NGEF: variants seen among roughly 807,000 people sequenced by gnomAD.
NGEF encodes the protein ephexin-1.
In NGEF, 31 loss-of-function variants were observed where a neutral mutation model predicts 80.9. That is an observed-to-expected ratio of 0.38 (90% confidence interval 0.29 to 0.52). The LOEUF (loss-of-function observed/expected upper bound fraction) is 0.52, where lower values mean the gene tolerates loss of function less well. Ranked by LOEUF, NGEF falls within the 20% of genes least tolerant of loss-of-function variation. NGEF has a pLI of 0.84. For missense variants in NGEF, 709 were observed against 926.2 expected (o/e 0.77, Z 3.04); for synonymous variants, 371 against 370.2 (o/e 1.00, Z -0.03).
intron 8 of NGEF, 123 bp from the exon 9 acceptor site, chr2:232,888,230 A>C: frequency 1.5e-6 from 1 of 656,964 alleles, no homozygotes; most frequent in Non-Finnish European, 2.7e-6. Flanking sequence ...ATGCACACAC[A>C]CACACACGCA....
intron 1 of NGEF, among the ~76,000 whole-genome samples, chr2:232,979,271 T>A (rs779173271): frequency 7.3e-5 from 11 of 150,938 alleles, no homozygotes; most frequent in Admixed American, 4.0e-4. Flanking sequence ...ACATTAAGAG[T>A]CAGGGGGATT....
chr2:232,954,591 G>A (rs1693756890), intron 3 of NGEF, among the ~76,000 whole-genome samples: 1 of 152,064 alleles, frequency 6.6e-6, no homozygotes, highest in Non-Finnish European at 1.5e-5. Flanking sequence ...CAGGCGTGGT[G>A]GCAGGTGCCT....
chr2:232,891,615 T>C, intron 7 of NGEF, 128 bp from the exon 8 acceptor site: 2 of 1,107,042 alleles, frequency 1.8e-6, no homozygotes, highest in Non-Finnish European at 2.5e-6. Flanking sequence ...TTGATTTCTT[T>C]CTTTGTTTTT....
chr2:232,988,596 G>A (rs1181396251), intron 1 of NGEF, among the ~76,000 whole-genome samples: 1 of 152,192 alleles, frequency 6.6e-6, no homozygotes, highest in Non-Finnish European at 1.5e-5. Context: ...AATACGCTTT[G>A]ACCCAGCCAT....
chr2:232,895,214 A>C (rs1024989218), intron 5 of NGEF, among the ~76,000 whole-genome samples: 2 of 152,156 alleles, frequency 1.3e-5, no homozygotes, highest in Non-Finnish European at 1.5e-5. Flanking sequence ...AAGATCCAAA[A>C]TATGAAACAA....
rs190462178 is a variant in NGEF at position 232,903,716 on chromosome 2, T to C, written c.829-8800A>G. ...CCTCAAAGCATCAAGAAAAACTCCC[T>C]GCCGTCTCCCACTGTAGGACTCATC... On this transcript the variant is annotated intron_variant, in intron 5 of 14. Transcript: ENST00000264051. 2.0e-3 allele frequency among the ~76,000 whole-genome samples: 310 copies of C among 152,370 alleles called. 4 individuals carry two copies. The highest frequency in any genetic ancestry group is 7.3e-3 in the African/African-American group (303 of 41,588).
chr2:232,903,436 GCACACA>G (rs35757997), intron 5 of NGEF, among the ~76,000 whole-genome samples: 9 of 148,716 alleles, frequency 6.1e-5, no homozygotes, highest in Non-Finnish European at 9.0e-5. Context: ...TGACATGAGG[GCACACA>G]CACACACACA....
In NGEF at chr2:232,970,289, G is replaced by C. The variant is rs753343643; in HGVS notation, c.308C>G (p.Thr103Ser). 6.2e-7 allele frequency: 1 copy of C among 1,604,960 alleles called. No homozygotes were observed. The highest frequency in any genetic ancestry group is 8.5e-7 in the Non-Finnish European group (1 of 1,176,976). ...CATTCTGCTCCAGGGGATATTCAAG[G>C]TCAGGGGCTCATTTACAGATTTTCC... Reference protein sequence around the residue: ...DNGKSVNEPLTLNIPWSRMPP... With the variant: ...DNGKSVNEPLSLNIPWSRMPP... The change falls in exon 3 of 15, where the codon ACC becomes AGC. Residue 103 changes from threonine (T) to serine (S), a missense_variant. This residue lies in a region of NGEF where 283 missense variants were observed against 303.4 expected (regional missense o/e 0.93). Coordinates refer to ENST00000264051, the MANE Select transcript of NGEF (RefSeq NM_019850.3).
chr2:232,920,717 C>G, intron 4 of NGEF, 132 bp from the exon 5 acceptor site: 1 of 724,226 alleles, frequency 1.4e-6, no homozygotes. Context: ...GCAAGCCAGC[C>G]CTGCACCCAT....
At chr2:232,886,090 G>T (rs1222706453) in intron 9 of NGEF, among the ~76,000 whole-genome samples, 1 of 80,254 alleles carries the variant, frequency 1.2e-5, no homozygotes, top group Non-Finnish European at 2.7e-5. Flanking sequence ...AGTGGTGTGT[G>T]TGCTGTGTGT....
At chr2:232,993,044 T>C (rs747236836) in intron 1 of NGEF, among the ~76,000 whole-genome samples, 6 of 134,244 alleles carry the variant, frequency 4.5e-5, no homozygotes, top group Non-Finnish European at 9.4e-5. Context: ...TAAATATATA[T>C]ATTCAAAAAT....
At chr2:232,900,782 G>A (rs1486761333) in intron 5 of NGEF, among the ~76,000 whole-genome samples, 31 of 131,804 alleles carry the variant, frequency 2.4e-4, no homozygotes, top group African/African-American at 7.7e-4. Flanking sequence ...TCACACTCAT[G>A]CACACATTCA....
intron 1 of NGEF, among the ~76,000 whole-genome samples, chr2:232,980,994 A>T (rs1694405608): frequency 6.6e-6 from 1 of 151,756 alleles, no homozygotes; most frequent in Non-Finnish European, 1.5e-5. Context: ...CTGGAGAAGG[A>T]CTGGCACCAG....
chr2:232,983,833 C>T (rs945769438), intron 1 of NGEF, among the ~76,000 whole-genome samples: 1 of 152,186 alleles, frequency 6.6e-6, no homozygotes, highest in African/African-American at 2.4e-5. Flanking sequence ...GACGAGAATG[C>T]TGAAACCCGG....
intron 4 of NGEF, among the ~76,000 whole-genome samples, chr2:232,921,648 G>A (rs1265072471): frequency 6.8e-6 from 1 of 147,560 alleles, no homozygotes; most frequent in Non-Finnish European, 1.5e-5. Context: ...TTTTTGTAGA[G>A]ATGAGGACTT....
intron 5 of NGEF, among the ~76,000 whole-genome samples, chr2:232,906,852 C>A (rs1182622718): frequency 6.6e-6 from 1 of 151,604 alleles, no homozygotes. Context: ...AATTCTTCTG[C>A]CTTGGGATCC....
chr2:232,900,657 TTCAC>T (rs755943279), intron 5 of NGEF, among the ~76,000 whole-genome samples: 7 of 92,070 alleles, frequency 7.6e-5, no homozygotes, highest in East Asian at 6.8e-4. Flanking sequence ...TTCACTCACA[TTCAC>T]TCACACACAC....
intron 4 of NGEF, among the ~76,000 whole-genome samples, chr2:232,926,695 G>A (rs1693075847): frequency 6.6e-6 from 1 of 152,128 alleles, no homozygotes; most frequent in Non-Finnish European, 1.5e-5. Flanking sequence ...GGGGGATAGT[G>A]GAGTCCTCCC....
chr2:232,988,045 G>C (rs868420586), intron 1 of NGEF, among the ~76,000 whole-genome samples: 3,709 of 136,630 alleles, frequency 0.027, 168 homozygotes, highest in African/African-American at 0.12. Flanking sequence ...TCGTGTGTGT[G>C]TGTGTGTGTG....
Sources: gnomAD v4.1 joint callset for allele counts (sites outside exome capture counted in the v4.1 genomes callset) on GRCh38, gnomAD v4.1.1 for gene constraint, gnomAD v4.1.1 regional missense constraint, MANE v1.5 for transcripts, NCBI Gene and HGNC (gene_info 2026-07-23, HGNC 2026-07-21) for gene names.